Variants in MELK observed in about 807,000 individuals in gnomAD.
MELK encodes pEg3 kinase.
Under a neutral mutation model 85.0 loss-of-function variants are expected in MELK, and 81 were observed. The observed-to-expected ratio is 0.95, with a 90% CI of 0.80 to 1.15. MELK has a LOEUF of 1.15. Among genes scored for constraint, MELK ranks in the 50% most tolerant of loss-of-function variants. The pLI, the probability that MELK is intolerant of heterozygous loss-of-function variation, is 0.00. For missense variants in MELK, 754 were observed against 777.5 expected (o/e 0.97, Z 0.36); for synonymous variants, 252 against 265.0 (o/e 0.95, Z 0.48).
intron 8 of MELK, among the ~76,000 whole-genome samples, chr9:36,609,693 C>A (rs1380732769): frequency 1.3e-5 from 2 of 152,076 alleles, no homozygotes; most frequent in Non-Finnish European, 2.9e-5. Context: ...CTCAAGTGAT[C>A]CTCCCACCTC....
intron 8 of MELK, among the ~76,000 whole-genome samples, chr9:36,629,579 T>C (rs1407128742): frequency 1.3e-5 from 2 of 152,254 alleles, no homozygotes; most frequent in Admixed American, 1.3e-4. Context: ...GCCTATGTAC[T>C]GTCACCAAAT....
chr9:36,610,449 A>G (rs753577331), intron 8 of MELK, among the ~76,000 whole-genome samples: 2 of 152,234 alleles, frequency 1.3e-5, no homozygotes, highest in Non-Finnish European at 2.9e-5. Context: ...TGCAGGATCA[A>G]AAAGAAGCAG....
intron 15 of MELK, among the ~76,000 whole-genome samples, chr9:36,670,395 C>T (rs1832778415): frequency 6.6e-6 from 1 of 152,020 alleles, no homozygotes; most frequent in Admixed American, 6.6e-5. Context: ...CTTCTCAGCA[C>T]ACTTTATGGT....
chr9:36,672,060 C>T (rs748697547), intron 16 of MELK, among the ~76,000 whole-genome samples: 7 of 152,218 alleles, frequency 4.6e-5, no homozygotes, highest in Non-Finnish European at 1.0e-4. Flanking sequence ...CTGAGACTCT[C>T]GTAATGAGCA....
Position 36,677,188 on chromosome 9 carries a change from G to T in MELK, c.1807G>T (p.Asp603Tyr). 1.9e-6 allele frequency: 3 copies of T among 1,613,888 alleles called. No individual in the cohort carries two copies. The highest frequency in any genetic ancestry group is 2.5e-6 in the Non-Finnish European group (3 of 1,179,894). Residue 603 changes from aspartate to tyrosine, a missense_variant, in exon 18 of 18, where the codon GAT (aspartate) becomes TAT (tyrosine). Asp to Tyr is a radical substitution (Grantham distance 160). Coordinates refer to ENST00000298048, the MANE Select transcript of MELK (RefSeq NM_014791.4). ...GYTLKCQTQS[D>Y]FGKVTMQFEL... is the part of the protein sequence containing the mutation. ...TACACTGAAGTGTCAAACACAGTCA[G>T]ATTTTGGGAAAGTGACAATGCAATT... is the stretch of plus-strand genomic sequence containing the variant.
At chr9:36,592,172 C>CTTTTTTTTTT (rs35073009) in intron 4 of MELK, among the ~76,000 whole-genome samples, 6 of 117,312 alleles carry the variant, frequency 5.1e-5, no homozygotes, top group Non-Finnish European at 7.0e-5. Context: ...CATTTCTTTT[C>CTTTTTTTTTT]TTTTTTTTTT....
chr9:36,595,473 T>A (rs999921418), intron 5 of MELK, among the ~76,000 whole-genome samples: 2 of 151,800 alleles, frequency 1.3e-5, no homozygotes, highest in African/African-American at 2.4e-5. Context: ...CTCAAGCTAT[T>A]CTTTCGCCCT....
At chr9:36,660,274 A>G (rs1443889726) in intron 13 of MELK, among the ~76,000 whole-genome samples, 1 of 152,106 alleles carries the variant, frequency 6.6e-6, no homozygotes, top group Non-Finnish European at 1.5e-5. Flanking sequence ...GTCACCAGCT[A>G]TTACTTACTG....
At position 36,589,617 on chromosome 9, in the gene MELK, C is replaced by T. The variant is rs1823323572; in HGVS notation, c.226C>T (p.Leu76=). The change falls in exon 4 of 18, where the codon CTA becomes TTA. Residue 76 remains leucine, a synonymous_variant. Coordinates refer to ENST00000298048, the MANE Select transcript of MELK (RefSeq NM_014791.4). ...GCATATATGTCAACTCTACCATGTG[C>T]TAGAGACAGCCAACAAAATATTCAT... ...HQHICQLYHV[L]ETANKIFMVL... 11 of 1,613,538 alleles carry T rather than the reference C, an allele frequency of 6.8e-6. No homozygotes were observed. Among genetic ancestry groups the T allele is most frequent in the Non-Finnish European group, 9.3e-6 (11 of 1,179,506 alleles).
chr9:36,583,015 C>T (rs939766274), intron 2 of MELK, among the ~76,000 whole-genome samples: 8 of 151,112 alleles, frequency 5.3e-5, no homozygotes, highest in African/African-American at 1.9e-4. Context: ...GCTCTGTCGC[C>T]CAGGCTGGAG....
chr9:36,580,665 G>T (rs1403814806), intron 1 of MELK, among the ~76,000 whole-genome samples: 1 of 150,984 alleles, frequency 6.6e-6, no homozygotes, highest in African/African-American at 2.4e-5. Flanking sequence ...AGCCTCCCGA[G>T]CCAGAGTAGG....
chr9:36,653,963 C>T (rs1241064164), intron 12 of MELK, among the ~76,000 whole-genome samples: 3 of 152,114 alleles, frequency 2.0e-5, no homozygotes, highest in Non-Finnish European at 2.9e-5. Context: ...CCCTCTTTTT[C>T]CCTCCCTAGT....
At chr9:36,605,666 T>C (rs1045187372) in intron 7 of MELK, among the ~76,000 whole-genome samples, 2 of 151,860 alleles carry the variant, frequency 1.3e-5, no homozygotes, top group African/African-American at 4.8e-5. Flanking sequence ...ATTGTTCACT[T>C]GAGACGTCAT....
At chr9:36,614,099 C>CTTTT (rs112322490) in intron 8 of MELK, among the ~76,000 whole-genome samples, 1 of 139,714 alleles carries the variant, frequency 7.2e-6, no homozygotes, top group African/African-American at 2.7e-5. Flanking sequence ...TACTAGATGT[C>CTTTT]TTTTTTTTTT....
chr9:36,652,590 C>T (rs1244919064), intron 12 of MELK, among the ~76,000 whole-genome samples: 1 of 151,474 alleles, frequency 6.6e-6, no homozygotes, highest in East Asian at 2.0e-4. Context: ...ATTAGCCAGG[C>T]GTGGTGATGA....
In MELK at chr9:36,626,129, A is replaced by G. The variant is rs530587706; in HGVS notation, c.667-4170A>G. On this transcript the variant is annotated intron_variant, in intron 8 of 17. Coordinates refer to ENST00000298048, the MANE Select transcript of MELK (RefSeq NM_014791.4). ...CACTGACTGAGTGGCTAGGTTATAC[A>G]CTAAAAGCTGATTGAGCCAGTGCCC... Among the ~76,000 whole-genome samples, 5 of 152,250 alleles carry G rather than the reference A, an allele frequency of 3.3e-5. No individual in the cohort carries two copies. The South Asian group carries it at 1.0e-3, about 32-fold the overall frequency.
chr9:36,599,581 T>G, intron 7 of MELK, 95 bp downstream of exon 7: 1 of 753,172 alleles, frequency 1.3e-6, no homozygotes, highest in Non-Finnish European at 2.2e-6. Context: ...GGTATAATGA[T>G]GAAGTAAGAA....
chr9:36,666,894 TGTGTGTGTGTGTGATG>T (rs1832412112), intron 14 of MELK, among the ~76,000 whole-genome samples: 1 of 142,112 alleles, frequency 7.0e-6, no homozygotes, highest in South Asian at 2.2e-4. Flanking sequence ...TGTGTGTGTG[TGTGTGTGTGTGTGATG>T]GTGTGTGTGT....
chr9:36,596,596 T>G (rs1366367828), intron 5 of MELK, among the ~76,000 whole-genome samples: 3 of 131,504 alleles, frequency 2.3e-5, no homozygotes, highest in Non-Finnish European at 4.7e-5. Context: ...TTTTGTTTTT[T>G]TTTTTTTGAG....
Sources: gnomAD v4.1 joint callset for allele counts (sites outside exome capture counted in the v4.1 genomes callset) on GRCh38, gnomAD v4.1.1 for gene constraint, MANE v1.5 for transcripts, NCBI Gene and HGNC (gene_info 2026-07-23, HGNC 2026-07-21) for gene names.